The following ACOX3 variants were observed in gnomAD, a reference collection of about 807,000 sequenced individuals.
The protein encoded by ACOX3 is peroxisomal acyl-coenzyme A oxidase 3.
In ACOX3, 73 loss-of-function variants were observed where a neutral mutation model predicts 81.5. The observed-to-expected ratio is 0.90, with a 90% CI of 0.74 to 1.09. The LOEUF (loss-of-function observed/expected upper bound fraction) is 1.09. ACOX3 is among the 50% of genes least tolerant of loss of function. The pLI, the probability that ACOX3 is intolerant of heterozygous loss-of-function variation, is 0.00. For missense variants in ACOX3, 947 were observed against 928.0 expected (o/e 1.02, Z -0.27); for synonymous variants, 387 against 375.1 (o/e 1.03, Z -0.37).
Position 8,375,008 on chromosome 4 carries a change from G to T in ACOX3, c.1798C>A (p.Leu600Met). 6.5e-7 allele frequency: 1 copy of T among 1,539,748 alleles called. No individual in the cohort carries two copies. Among genetic ancestry groups the T allele is most frequent in the East Asian group, 2.4e-5 (1 of 41,476 alleles). ...TAGAGCAGGGCCGCGTGGCGGCTCA[G>T]GGACCACAGGGCGTACAGAGCACTG... ...RLSALYALWS[L>M]SRHAALLYRG... Residue 600 changes from leucine to methionine, a missense_variant, in exon 15 of 18, where the codon CTG (leucine) becomes ATG (methionine). Leu to Met is a conservative substitution (Grantham distance 15). Transcript: ENST00000356406.
Position 8,431,588 on chromosome 4 carries a change from A to G in ACOX3, c.-15+9060T>C, listed in dbSNP as rs947781597. Among the ~76,000 whole-genome samples the G allele has an allele frequency of 1.3e-5, 2 of 152,124 alleles. No individual in the cohort carries two copies. The highest frequency in any genetic ancestry group is 2.4e-5 in the African/African-American group (1 of 41,434). ...TGACACCAAGGGAGCAAATTTGGGGAAAAAAATAAGGGAATTTGGCTTTAT... is the reference window on the plus strand; with the variant it reads ...TGACACCAAGGGAGCAAATTTGGGGGAAAAAATAAGGGAATTTGGCTTTAT... On this transcript the variant is annotated intron_variant, in intron 1 of 17. Transcript: ENST00000356406. The surrounding 1 kb of genome is among the most constrained non-coding windows in gnomAD (Gnocchi z 5.3).
chr4:8,435,380 C>T (rs1373542495), intron 1 of ACOX3, among the ~76,000 whole-genome samples: 2 of 152,142 alleles, frequency 1.3e-5, no homozygotes, highest in Non-Finnish European at 2.9e-5. Context: ...CCTGTAGTCC[C>T]AGCTACTCAA....
chr4:8,405,967 C>A lies in ACOX3; in HGVS notation c.764G>T (p.Gly255Val), dbSNP rs1283964968. The change falls in exon 7 of 18, where the codon GGT becomes GTT. Residue 255 changes from glycine (G) to valine (V), a missense_variant. Coordinates refer to ENST00000356406, the MANE Select transcript of ACOX3 (RefSeq NM_003501.3). This position sits in a 1 kb window ranked among gnomAD's most constrained non-coding sequence, Gnocchi z 7.1. ...GDIGKKLGQN[G>V]LDNGFAMFHK... Reference sequence around the variant, plus strand: ...CTCTGTCACTCACCCATTATCCAGACCGTTCTGCCCGAGTTTTTTTCCTAT... The same window carrying A: ...CTCTGTCACTCACCCATTATCCAGAACGTTCTGCCCGAGTTTTTTTCCTAT... 1 of 1,614,074 alleles carries A rather than the reference C, an allele frequency of 6.2e-7. No homozygotes were observed. Among genetic ancestry groups the A allele is most frequent in the Non-Finnish European group, 8.5e-7 (1 of 1,180,042 alleles).
In ACOX3 at chr4:8,373,564, G is replaced by A. The variant is rs1716536777; in HGVS notation, c.1893C>T (p.Ser631=). The change falls in exon 16 of 18, where the codon TCC becomes TCT. Residue 631 remains serine, a synonymous_variant. Transcript: ENST00000356406. ...CGCGACAGCACCCACGGCTCACCTG[G>A]GAACACAAAGCCAGGACGGCGCTCT... ...VLESAVLALC[S]QLKDDAVALV... is the part of the protein sequence containing the mutation. The A allele has an allele frequency of 6.2e-7, 1 of 1,613,824 alleles. No homozygotes were observed. The highest frequency in any genetic ancestry group is 2.2e-5 in the East Asian group (1 of 44,876).
Position 8,370,443 on chromosome 4 carries a change from C to A in ACOX3, c.1983+465G>T, listed in dbSNP as rs772907134. Among the ~76,000 whole-genome samples, 3 of 150,310 alleles carry A rather than the reference C, an allele frequency of 2.0e-5. No homozygotes were observed. Among genetic ancestry groups the A allele is most frequent in the African/African-American group, 7.4e-5 (3 of 40,650 alleles). Reference sequence around the variant, plus strand: ...CCACAGGGAGGCGGTTGGGGGAAAGCGGGGCAGGGGAGAGTAACCCCGGTG... The same window carrying A: ...CCACAGGGAGGCGGTTGGGGGAAAGAGGGGCAGGGGAGAGTAACCCCGGTG... On this transcript the variant is annotated intron_variant, in intron 17 of 17. Coordinates refer to ENST00000356406, the MANE Select transcript of ACOX3 (RefSeq NM_003501.3). This position sits in a 1 kb window ranked among gnomAD's most constrained non-coding sequence, Gnocchi z 6.3.
Position 8,404,705 on chromosome 4 carries a change from C to A in ACOX3, c.776+1250G>T, listed in dbSNP as rs565159965. ...GCCCATCTTCTCCCTCTGGAGACAACCTGGTCATGATAACCAGTTATTTCC... is the reference window on the plus strand; with the variant it reads ...GCCCATCTTCTCCCTCTGGAGACAAACTGGTCATGATAACCAGTTATTTCC... On this transcript the variant is annotated intron_variant, in intron 7 of 17. Coordinates refer to ENST00000356406, the MANE Select transcript of ACOX3 (RefSeq NM_003501.3). Among the ~76,000 whole-genome samples, 117 of 152,206 alleles carry A rather than the reference C, an allele frequency of 7.7e-4. 1 individual carries two copies. The highest frequency in any genetic ancestry group is 1.5e-3 in the Non-Finnish European group (101 of 68,024).
At chr4:8,390,228 G>C (rs1164237009) in intron 11 of ACOX3, among the ~76,000 whole-genome samples, 1 of 151,944 alleles carries the variant, frequency 6.6e-6, no homozygotes, top group African/African-American at 2.4e-5. Context: ...TTTAGTCCCA[G>C]CTACCCAGGA....
At position 8,406,129 on chromosome 4, in the gene ACOX3, G is replaced by A; in HGVS notation, c.688-86C>T. On this transcript the variant is annotated intron_variant, in intron 6 of 17. Coordinates refer to ENST00000356406, the MANE Select transcript of ACOX3 (RefSeq NM_003501.3). The surrounding 1 kb of genome is among the most constrained non-coding windows in gnomAD (Gnocchi z 5.6). ...AAATGTGTTCAGAAACCCACAGGGTGGGCCATGGGCTCAACGCTGGGCGGC... is the reference window on the plus strand; with the variant it reads ...AAATGTGTTCAGAAACCCACAGGGTAGGCCATGGGCTCAACGCTGGGCGGC... 1 of 1,327,490 alleles carries A rather than the reference G, an allele frequency of 7.5e-7. No individual in the cohort carries two copies. 82.2% of individuals were successfully genotyped at this position (1,327,490 alleles called of 1,614,324 possible).
intron 1 of ACOX3, chr4:8,438,759 C>T (rs1724394830): frequency 6.6e-6 from 1 of 152,262 alleles, no homozygotes; most frequent in Non-Finnish European, 1.5e-5. Context: ...TCCACTCCCA[C>T]TGCTGTTAAA....
In ACOX3 at chr4:8,407,760, C is replaced by G. The variant is rs1721159770; in HGVS notation, c.688-1717G>C. On this transcript the variant is annotated intron_variant, in intron 6 of 17. Transcript: ENST00000356406. This position sits in a 1 kb window ranked among gnomAD's most constrained non-coding sequence, Gnocchi z 4.6. ...AATCACCGCTCCCCAAGATACAGGTCCAGCCAGCTAATGGCTGCGCACTGT... is the reference window on the plus strand; with the variant it reads ...AATCACCGCTCCCCAAGATACAGGTGCAGCCAGCTAATGGCTGCGCACTGT... Among the ~76,000 whole-genome samples, 1 of 152,250 alleles carries G rather than the reference C, an allele frequency of 6.6e-6. No individual in the cohort carries two copies. Among genetic ancestry groups the G allele is most frequent in the Non-Finnish European group, 1.5e-5 (1 of 68,044 alleles).
chr4:8,398,917 G>A (rs549934822), intron 8 of ACOX3, among the ~76,000 whole-genome samples: 11 of 152,242 alleles, frequency 7.2e-5, no homozygotes, highest in African/African-American at 2.6e-4. Context: ...TAACATCTCC[G>A]TTTGTGAGCA....
At position 8,423,465 on chromosome 4, in the gene ACOX3, C is replaced by T. The variant is rs1723159930; in HGVS notation, c.-14-6930G>A. On this transcript the variant is annotated intron_variant, in intron 1 of 17. Coordinates refer to ENST00000356406, the MANE Select transcript of ACOX3 (RefSeq NM_003501.3). This position sits in a 1 kb window ranked among gnomAD's most constrained non-coding sequence, Gnocchi z 4.2. The stretch of plus-strand genomic sequence containing the variant: ...CCTCCTTTCCCCACCAAAGGCAGTA[C>T]CCTCTTAGACCCGAGGCCCAACAAG... 1.3e-5 allele frequency among the ~76,000 whole-genome samples: 2 copies of T among 152,120 alleles called. No homozygotes were observed. Among genetic ancestry groups the T allele is most frequent in the South Asian group, 4.1e-4 (2 of 4,820 alleles).
intron 10 of ACOX3, among the ~76,000 whole-genome samples, chr4:8,393,631 A>G (rs1295701721): frequency 1.6e-5 from 1 of 64,338 alleles, no homozygotes; most frequent in African/African-American, 4.4e-5. Context: ...ACACACACAC[A>G]CACACGCACA....
intron 8 of ACOX3, among the ~76,000 whole-genome samples, chr4:8,397,597 C>T (rs1435482239): frequency 1.3e-5 from 2 of 152,244 alleles, no homozygotes; most frequent in African/African-American, 2.4e-5. Context: ...CCTTTACGTG[C>T]GTCTAGCTGG....
Position 8,406,564 on chromosome 4 carries a change from G to C in ACOX3, c.688-521C>G, listed in dbSNP as rs931474957. On this transcript the variant is annotated intron_variant, in intron 6 of 17. Transcript: ENST00000356406. The surrounding 1 kb of genome is among the most constrained non-coding windows in gnomAD (Gnocchi z 5.6). The stretch of plus-strand genomic sequence containing the variant: ...GACCGGTAGTGGCCCCGAAGGCCAG[G>C]CTGCACTGATACTTATTGGATACAA... Among the ~76,000 whole-genome samples the C allele has an allele frequency of 9.2e-5, 14 of 152,054 alleles. No individual in the cohort carries two copies. The highest frequency in any genetic ancestry group is 3.1e-4 in the African/African-American group (13 of 41,388).
chr4:8,369,834 CCAGGGGG>C (rs1454927138), intron 17 of ACOX3, among the ~76,000 whole-genome samples: 1 of 152,222 alleles, frequency 6.6e-6, no homozygotes, highest in Non-Finnish European at 1.5e-5. Context: ...AGTTGCGGGG[CCAGGGGG>C]CAGGGATGGG....
chr4:8,425,708 A>G (rs1222371798), intron 1 of ACOX3, among the ~76,000 whole-genome samples: 2 of 151,042 alleles, frequency 1.3e-5, no homozygotes, highest in East Asian at 1.9e-4. Context: ...GTCTGGATAG[A>G]TACTTTCACT....
At position 8,431,162 on chromosome 4, in the gene ACOX3, G is replaced by A. The variant is rs1295417937; in HGVS notation, c.-15+9486C>T. On this transcript the variant is annotated intron_variant, in intron 1 of 17. Transcript: ENST00000356406. This position sits in a 1 kb window ranked among gnomAD's most constrained non-coding sequence, Gnocchi z 5.3. ...TTTCCAGCCTTGGCCAGGTCCTCAGGCTCCCCTCCCTTCTCTGCCTGTCCC... is the reference window on the plus strand; with the variant it reads ...TTTCCAGCCTTGGCCAGGTCCTCAGACTCCCCTCCCTTCTCTGCCTGTCCC... Among the ~76,000 whole-genome samples the A allele has an allele frequency of 6.6e-6, 1 of 152,178 alleles. No homozygotes were observed. The highest frequency in any genetic ancestry group is 1.5e-5 in the Non-Finnish European group (1 of 68,032).
intron 11 of ACOX3, among the ~76,000 whole-genome samples, chr4:8,390,971 C>G (rs149585291): frequency 3.2e-4 from 48 of 151,942 alleles, no homozygotes; most frequent in East Asian, 2.1e-3. Flanking sequence ...CTAGATGGAG[C>G]CTCGGTCATA....
Sources: gnomAD v4.1 joint callset for allele counts (sites outside exome capture counted in the v4.1 genomes callset) on GRCh38, gnomAD v4.1.1 for gene constraint, Gnocchi (gnomAD v3.1) non-coding constraint, MANE v1.5 for transcripts, NCBI Gene and HGNC (gene_info 2026-07-23, HGNC 2026-07-21) for gene names.